Variants in CPNE4 observed in about 807,000 individuals in gnomAD.
The protein encoded by CPNE4 is copine-4.
A neutral mutation model predicts 67.9 loss-of-function variants in CPNE4; 25 were observed. The ratio of observed to expected loss-of-function variants is 0.37; its 90% CI spans 0.27 to 0.51. The LOEUF (loss-of-function observed/expected upper bound fraction) is 0.51, where lower values mean the gene tolerates loss of function less well. CPNE4 is among the 20% of genes least tolerant of loss of function. CPNE4 has a pLI of 0.93. For missense variants in CPNE4, 464 were observed against 690.8 expected (o/e 0.67, Z 3.68); for synonymous variants, 242 against 244.9 (o/e 0.99, Z 0.11).
At chr3:131,981,333 T>G (rs1288596061) in intron 1 of CPNE4, among the ~76,000 whole-genome samples, 1 of 152,068 alleles carries the variant, frequency 6.6e-6, no homozygotes, top group African/African-American at 2.4e-5. Flanking sequence ...CTAGGCATGT[T>G]TGAGCTCAGA....
At chr3:131,563,684 G>A (rs1936907142) in intron 11 of CPNE4, among the ~76,000 whole-genome samples, 1 of 152,014 alleles carries the variant, frequency 6.6e-6, no homozygotes, top group Non-Finnish European at 1.5e-5. Flanking sequence ...GCTGTGGAGT[G>A]GGTAGACCTG....
rs148649926 is a variant in CPNE4 at position 131,866,048 on chromosome 3, T to G, written c.180+39216A>C. Among the ~76,000 whole-genome samples the G allele has an allele frequency of 9.1e-3, 1,390 of 152,344 alleles. 16 individuals carry two copies. The highest frequency in any genetic ancestry group is 0.024 in the Middle Eastern group (7 of 294). On this transcript the variant is annotated intron_variant, in intron 2 of 15. Coordinates refer to ENST00000429747, the MANE Select transcript of CPNE4 (RefSeq NM_130808.3). ...CATGACTTTGGGTAAGGAGGCTCTC[T>G]GGAGCTGAGGTAATCCCTGAAAGGA... is the stretch of plus-strand genomic sequence containing the variant.
chr3:131,996,195 G>A (rs541695129), intron 1 of CPNE4, among the ~76,000 whole-genome samples: 9 of 152,268 alleles, frequency 5.9e-5, no homozygotes, highest in Middle Eastern at 3.4e-3. Flanking sequence ...TTTAATCCAC[G>A]TGTCTTCCTT....
Position 131,625,125 on chromosome 3 carries a change from T to C in CPNE4, c.682-37543A>G, listed in dbSNP as rs150397363. 5.8e-3 allele frequency among the ~76,000 whole-genome samples: 887 copies of C among 152,250 alleles called. 9 individuals are homozygous for C. The highest frequency in any genetic ancestry group is 0.02 in the African/African-American group (820 of 41,548). On this transcript the variant is annotated intron_variant, in intron 7 of 15. Transcript: ENST00000429747. ...CTTTGCACCTTGCCAGGGTCTCATA[T>C]ATAACTTATCCAACTCCTCCTTTTC...
rs369665071 is a variant in CPNE4, at chr3:131,943,503, C to T, written c.-1-38059G>A. 3.3e-5 allele frequency among the ~76,000 whole-genome samples: 5 copies of T among 152,232 alleles called. No homozygotes were observed. The East Asian group carries it at 9.7e-4, about 29-fold the overall frequency. ...ACAGCAACTAATGTTTATATTACTA[C>T]TATTTGTGTTGCTATTACTTATTGT... On this transcript the variant is annotated intron_variant, in intron 1 of 15. Coordinates refer to ENST00000429747, the MANE Select transcript of CPNE4 (RefSeq NM_130808.3).
chr3:132,007,534 C>T (rs1221905091), intron 1 of CPNE4, among the ~76,000 whole-genome samples: 2 of 151,962 alleles, frequency 1.3e-5, no homozygotes, highest in African/African-American at 4.8e-5. Flanking sequence ...AGTTGCTGCA[C>T]GTGTAAGTTG....
At chr3:131,624,210 G>A (rs1468058994) in intron 7 of CPNE4, among the ~76,000 whole-genome samples, 4 of 152,134 alleles carry the variant, frequency 2.6e-5, no homozygotes, top group Admixed American at 1.3e-4. Flanking sequence ...CTTATCTCAC[G>A]CACCAAGTTT....
intron 1 of CPNE4, among the ~76,000 whole-genome samples, chr3:131,907,760 G>A (rs997519585): frequency 6.6e-6 from 1 of 152,118 alleles, no homozygotes; most frequent in Non-Finnish European, 1.5e-5. Flanking sequence ...TATTTATTAT[G>A]TGGCCCTCTT....
intron 1 of CPNE4, among the ~76,000 whole-genome samples, chr3:131,908,389 T>A (rs922507455): frequency 6.6e-6 from 1 of 152,172 alleles, no homozygotes; most frequent in Non-Finnish European, 1.5e-5. Context: ...AAAGATGGCT[T>A]TGTGTTCAGA....
intron 6 of CPNE4, among the ~76,000 whole-genome samples, chr3:131,675,915 T>A (rs1164270052): frequency 1.3e-5 from 2 of 151,250 alleles, no homozygotes; most frequent in African/African-American, 2.4e-5. Context: ...TTCCTTATAG[T>A]GAAGGTAATT....
At chr3:131,579,248 TCACATC>T (rs1323496925) in intron 9 of CPNE4, among the ~76,000 whole-genome samples, 2 of 152,212 alleles carry the variant, frequency 1.3e-5, no homozygotes, top group African/African-American at 4.8e-5. Flanking sequence ...CTGGATGGCA[TCACATC>T]TGTTTACAGC....
intron 2 of CPNE4, among the ~76,000 whole-genome samples, chr3:131,893,170 T>C (rs1442627256): frequency 2.0e-5 from 3 of 151,706 alleles, no homozygotes; most frequent in East Asian, 3.9e-4. Flanking sequence ...AGACAAAAAG[T>C]GTGTAGCCAT....
At chr3:132,037,746 G>T, upstream of CPNE4, 2 of 656,912 alleles carry the variant, frequency 3.0e-6, no homozygotes, top group Non-Finnish European at 5.3e-6. Flanking sequence ...TCCGCTCAGT[G>T]TCTTATGCCA....
At chr3:131,709,071 G>A (rs75861159) in intron 3 of CPNE4, among the ~76,000 whole-genome samples, 2,678 of 145,558 alleles carry the variant, frequency 0.018, 96 homozygotes, top group African/African-American at 0.065. Flanking sequence ...TAATGTCCAC[G>A]GTAAGTGGAC....
chr3:131,990,544 C>T (rs1239107040), intron 1 of CPNE4, among the ~76,000 whole-genome samples: 3 of 134,992 alleles, frequency 2.2e-5, no homozygotes, highest in Non-Finnish European at 3.4e-5. Context: ...CAATAAAATA[C>T]GTAAGACAAA....
At chr3:131,681,577 T>C (rs1051904683) in intron 6 of CPNE4, among the ~76,000 whole-genome samples, 1 of 152,164 alleles carries the variant, frequency 6.6e-6, no homozygotes, top group Admixed American at 6.5e-5. Flanking sequence ...CCTTTGGGGG[T>C]TTGATTATTA....
chr3:131,792,609 G>A (rs1189311970), intron 2 of CPNE4, among the ~76,000 whole-genome samples: 2 of 113,732 alleles, frequency 1.8e-5, no homozygotes, highest in Non-Finnish European at 3.7e-5. Flanking sequence ...ATATGTGTGT[G>A]TGTATATATG....
At position 131,750,794 on chromosome 3, in the gene CPNE4, T is replaced by G. The variant is rs180928646; in HGVS notation, c.181-27169A>C. On this transcript the variant is annotated intron_variant, in intron 2 of 15. Coordinates refer to ENST00000429747, the MANE Select transcript of CPNE4 (RefSeq NM_130808.3). The stretch of plus-strand genomic sequence containing the variant: ...ATGTTCTTTTATCATTTCCTTTCTA[T>G]TTAAAGAACTTTGTCTCACCATTCT... Among the ~76,000 whole-genome samples, 286 of 152,264 alleles carry G rather than the reference T, an allele frequency of 1.9e-3. 1 individual carries two copies. Among genetic ancestry groups the G allele is most frequent in the African/African-American group, 6.1e-3 (252 of 41,564 alleles).
At chr3:131,809,039 A>T (rs1430745454) in intron 2 of CPNE4, among the ~76,000 whole-genome samples, 3 of 152,148 alleles carry the variant, frequency 2.0e-5, no homozygotes, top group Non-Finnish European at 4.4e-5. Context: ...AAGTGCGTGC[A>T]TGTGTGCGGG....
Sources: gnomAD v4.1 joint callset for allele counts (sites outside exome capture counted in the v4.1 genomes callset) on GRCh38, gnomAD v4.1.1 for gene constraint, MANE v1.5 for transcripts, NCBI Gene and HGNC (gene_info 2026-07-23, HGNC 2026-07-21) for gene names.